Variants in SMG6 observed in about 807,000 individuals in gnomAD.
SMG6 encodes the protein telomerase-binding protein EST1A.
A neutral mutation model predicts 142.2 loss-of-function variants in SMG6; 66 were observed. The observed-to-expected ratio is 0.46, with a 90% CI of 0.38 to 0.57. SMG6 has a LOEUF of 0.57. SMG6 is among the 20% of genes least tolerant of loss of function. The pLI is 0.00. For synonymous variants in SMG6, 779 were observed against 702.4 expected, an observed-to-expected ratio of 1.11 and a Z score of -1.72; for missense variants, 1,793 against 1,832.0, an observed-to-expected ratio of 0.98 and a Z score of 0.39.
chr17:2,229,961 G>T (rs561020157), intron 10 of SMG6, among the ~76,000 whole-genome samples: 1 of 151,888 alleles, frequency 6.6e-6, no homozygotes, highest in East Asian at 1.9e-4. Flanking sequence ...TGAGGTGGGC[G>T]GATCACTTGA....
chr17:2,242,813 T>C (rs1304197694), intron 9 of SMG6, among the ~76,000 whole-genome samples: 1 of 151,778 alleles, frequency 6.6e-6, no homozygotes, highest in Admixed American at 6.6e-5. Context: ...ATGATACCGA[T>C]ATCATCTTAT....
At chr17:2,271,676 T>C (rs1892638383) in intron 8 of SMG6, among the ~76,000 whole-genome samples, 1 of 151,802 alleles carries the variant, frequency 6.6e-6, no homozygotes, top group African/African-American at 2.4e-5. Context: ...GATCATACCA[T>C]TGCACTCCAG....
intron 8 of SMG6, among the ~76,000 whole-genome samples, chr17:2,266,963 T>C (rs1443044110): frequency 6.6e-6 from 1 of 152,128 alleles, no homozygotes; most frequent in Middle Eastern, 3.2e-3. Flanking sequence ...CACTAAGCTG[T>C]TTCTCATGGC....
At chr17:2,204,688 G>A (rs1027825425) in intron 10 of SMG6, among the ~76,000 whole-genome samples, 4 of 152,212 alleles carry the variant, frequency 2.6e-5, no homozygotes, top group Non-Finnish European at 5.9e-5. Context: ...TTCCAGCTGG[G>A]CATGGTGGCT....
chr17:2,300,018 G>C lies in SMG6; in HGVS notation c.735C>G (p.Ser245=), dbSNP rs771745498. 1 of 1,614,054 alleles carries C rather than the reference G, an allele frequency of 6.2e-7. No homozygotes were observed. Among genetic ancestry groups the C allele is most frequent in the African/African-American group, 1.3e-5 (1 of 74,942 alleles). Residue 245 remains serine, a synonymous_variant, in exon 2 of 19, where the codon TCC becomes TCG. Transcript: ENST00000263073. ...RGRPGSAKRY[S]RSDKRRNRYR... The stretch of plus-strand genomic sequence containing the variant: ...AGCGATTCCTTCGTTTGTCTGAGCG[G>C]GAGTAGCGCTTTGCGGAGCCCGGCC...
chr17:2,127,107 C>G (rs955839924), intron 13 of SMG6, among the ~76,000 whole-genome samples: 2 of 146,856 alleles, frequency 1.4e-5, no homozygotes, highest in Admixed American at 6.8e-5. Context: ...ACACTGCACT[C>G]CAGCCTGGGC....
At chr17:2,291,218 C>G (rs2151393013) in intron 6 of SMG6, among the ~76,000 whole-genome samples, 1 of 152,176 alleles carries the variant, frequency 6.6e-6, no homozygotes, top group South Asian at 2.1e-4. Flanking sequence ...GTAGTCCCAG[C>G]TACTCGGGAG....
At chr17:2,072,425 G>C (rs1009383005) in intron 15 of SMG6, among the ~76,000 whole-genome samples, 1 of 152,178 alleles carries the variant, frequency 6.6e-6, no homozygotes, top group Non-Finnish European at 1.5e-5. Context: ...TTCTGTTTCT[G>C]GAAGGTGCTA....
intron 13 of SMG6, among the ~76,000 whole-genome samples, chr17:2,156,477 G>A (rs2071010549): frequency 6.7e-6 from 1 of 149,316 alleles, no homozygotes; most frequent in African/African-American, 2.5e-5. Context: ...CTATCCTCAG[G>A]GAAATTAGCA....
chr17:2,206,962 T>G (rs909915465), intron 10 of SMG6, among the ~76,000 whole-genome samples: 1 of 150,796 alleles, frequency 6.6e-6, no homozygotes, highest in African/African-American at 2.4e-5. Context: ...TTTAAAAAGA[T>G]CTATAAAACT....
At chr17:2,082,924 T>C (rs755740910) in intron 14 of SMG6, among the ~76,000 whole-genome samples, 3 of 152,208 alleles carry the variant, frequency 2.0e-5, no homozygotes, top group Non-Finnish European at 4.4e-5. Flanking sequence ...GGGCTACCCA[T>C]TTTTCATGTA....
rs2067916939 is a variant in SMG6 at position 2,065,538 on chromosome 17, C to T, written c.3977G>A (p.Arg1326Gln). 1.2e-6 allele frequency: 2 copies of T among 1,613,958 alleles called. No homozygotes were observed. Among genetic ancestry groups the T allele is most frequent in the East Asian group, 4.5e-5 (2 of 44,880 alleles). Residue 1326 changes from arginine to glutamine, a missense_variant, in exon 17 of 19, where the codon CGA becomes CAA. Arg to Gln is a conservative substitution (Grantham distance 43). This residue lies in a region of SMG6 where 179 missense variants were observed against 212.6 expected (regional missense o/e 0.84). Coordinates refer to ENST00000263073, the MANE Select transcript of SMG6 (RefSeq NM_017575.5). ...QRFESRDSCL[R>Q]ALTSRGNELE... ...TTCATTGCCACGGCTGGTCAGGGCT[C>T]GCAGGCAAGAGTCCCGACTCTCGAA...
Position 2,299,369 on chromosome 17 carries a change from C to G in SMG6, c.1384G>C (p.Asp462His), listed in dbSNP as rs1000509082. ...TRRLWDPNNP[D>H]QKPALKTQTP... The stretch of plus-strand genomic sequence containing the variant: ...TGAGTCTTTAGAGCAGGTTTCTGAT[C>G]AGGATTGTTTGGGTCCCACAATCGG... Residue 462 changes from aspartate (D) to histidine (H), a missense_variant, in exon 2 of 19, where the codon GAT becomes CAT. Physicochemically the swap from Asp to His is moderately conservative, Grantham distance 81. Transcript: ENST00000263073. This position sits in a 1 kb window ranked among gnomAD's most constrained non-coding sequence, Gnocchi z 4.3. 19 of 1,613,898 alleles carry G rather than the reference C, an allele frequency of 1.2e-5. No individual in the cohort carries two copies. Among genetic ancestry groups the G allele is most frequent in the Non-Finnish European group, 1.4e-5 (17 of 1,180,044 alleles).
intron 1 of SMG6, chr17:2,303,264 G>C (rs2075325784): frequency 9.5e-7 from 1 of 1,056,444 alleles, no homozygotes; most frequent in African/African-American, 1.7e-5. Context: ...GCGGAGGGCG[G>C]CCTGGAGAGC....
intron 10 of SMG6, among the ~76,000 whole-genome samples, chr17:2,230,395 G>A (rs1182861553): frequency 1.4e-5 from 2 of 147,148 alleles, no homozygotes; most frequent in Non-Finnish European, 3.0e-5. Context: ...AACGAAATCT[G>A]GGCAACATGG....
chr17:2,096,436 T>C (rs2068857585), intron 13 of SMG6, among the ~76,000 whole-genome samples: 1 of 152,218 alleles, frequency 6.6e-6, no homozygotes, highest in Non-Finnish European at 1.5e-5. Context: ...CTCGAACTCC[T>C]GACCTCAGGT....
chr17:2,261,784 C>T (rs1302526713), intron 8 of SMG6, among the ~76,000 whole-genome samples: 1 of 152,194 alleles, frequency 6.6e-6, no homozygotes, highest in Non-Finnish European at 1.5e-5. Context: ...GATCTCACTC[C>T]TGGTCTGCAG....
chr17:2,285,441 C>T (rs1179098383), intron 6 of SMG6, among the ~76,000 whole-genome samples: 1 of 152,064 alleles, frequency 6.6e-6, no homozygotes, highest in Non-Finnish European at 1.5e-5. Context: ...GACAAAAAGC[C>T]ATTGAGGGAA....
chr17:2,220,901 T>G (rs994580572), intron 10 of SMG6, among the ~76,000 whole-genome samples: 2 of 152,220 alleles, frequency 1.3e-5, no homozygotes, highest in Non-Finnish European at 2.9e-5. Flanking sequence ...TTTTTAGTAC[T>G]TTCAATGAAA....
Sources: gnomAD v4.1 joint callset for allele counts (sites outside exome capture counted in the v4.1 genomes callset) on GRCh38, gnomAD v4.1.1 for gene constraint, gnomAD v4.1.1 regional missense constraint, Gnocchi (gnomAD v3.1) non-coding constraint, MANE v1.5 for transcripts, NCBI Gene and HGNC (gene_info 2026-07-23, HGNC 2026-07-21) for gene names.